TYK2: variants seen among roughly 807,000 people sequenced by gnomAD.
TYK2 encodes non-receptor tyrosine-protein kinase TYK2.
In TYK2, 65 loss-of-function variants were observed where a neutral mutation model predicts 130.9. That is an observed-to-expected ratio of 0.50 (90% confidence interval 0.41 to 0.61). The LOEUF (loss-of-function observed/expected upper bound fraction) is 0.61, where lower values mean the gene tolerates loss of function less well. Among genes scored for constraint, TYK2 ranks in the 20% least tolerant of loss-of-function variants. TYK2 has a pLI of 0.00. For missense variants in TYK2, 1,378 were observed against 1,610.7 expected (o/e 0.86, Z 2.47); for synonymous variants, 647 against 658.9 (o/e 0.98, Z 0.28).
intron 18 of TYK2, among the ~76,000 whole-genome samples, chr19:10,354,996 G>T (rs1357344629): frequency 6.6e-6 from 1 of 150,468 alleles, no homozygotes; most frequent in Non-Finnish European, 1.5e-5. Context: ...TTTTGAGGCT[G>T]CAGTGAGTCT....
Position 10,361,918 on chromosome 19 carries a change from T to C in TYK2, c.1811A>G (p.Tyr604Cys). Residue 604 changes from tyrosine (Y) to cysteine (C), a missense_variant, in exon 13 of 25, where the codon TAT (tyrosine) becomes TGT (cysteine). Transcript: ENST00000525621. The surrounding 1 kb of genome is among the most constrained non-coding windows in gnomAD (Gnocchi z 4.0). ...HLGQGTRTNV[Y>C]EGRLRVEGSG... ...GCCCTCCACTCGCAGGCGGCCCTCATACACGTTGGTCCTTGTGCCCTGGCC... is the reference window on the plus strand; with the variant it reads ...GCCCTCCACTCGCAGGCGGCCCTCACACACGTTGGTCCTTGTGCCCTGGCC... 1 of 1,614,064 alleles carries C rather than the reference T, an allele frequency of 6.2e-7. No individual in the cohort carries two copies. Among genetic ancestry groups the C allele is most frequent in the Non-Finnish European group, 8.5e-7 (1 of 1,179,994 alleles).
intron 9 of TYK2, among the ~76,000 whole-genome samples, chr19:10,363,650 C>A (rs2062688936): frequency 6.6e-6 from 1 of 152,126 alleles, no homozygotes; most frequent in Non-Finnish European, 1.5e-5. Context: ...GACAACGATC[C>A]CAGACACAAC....
chr19:10,359,040 G>A (rs1464680191), intron 15 of TYK2, 135 bp downstream of exon 15: 55 of 1,210,444 alleles, frequency 4.5e-5, no homozygotes, highest in Non-Finnish European at 6.2e-5. Flanking sequence ...TCCAGCCTGG[G>A]TGACAGGGCG....
chr19:10,377,571 G>GGTAGGTGT (rs2042185403), intron 3 of TYK2, among the ~76,000 whole-genome samples: 2 of 114,868 alleles, frequency 1.7e-5, no homozygotes, highest in Non-Finnish European at 3.7e-5. Context: ...TGGATGGGTG[G>GGTAGGTGT]GTGGGTGGAT....
In TYK2 at chr19:10,352,953, C is replaced by T. The variant is rs1242838061; in HGVS notation, c.3173G>A (p.Arg1058His). ...VPEGHEYYRV[R>H]EDGDSPVFWY... ...GAACACGGGGCTGTCCCCATCCTCG[C>T]GCACGCGGTAGTACTCGTGGCCTTC... Residue 1058 changes from arginine to histidine, a missense_variant, in exon 22 of 25, where the codon CGC becomes CAC. Arg to His is a conservative substitution (Grantham distance 29). Coordinates refer to ENST00000525621, the MANE Select transcript of TYK2 (RefSeq NM_003331.5). 1.2e-6 allele frequency: 2 copies of T among 1,608,124 alleles called. No individual in the cohort carries two copies. The highest frequency in any genetic ancestry group is 1.7e-6 in the Non-Finnish European group (2 of 1,177,310).
Position 10,353,998 on chromosome 19 carries a change from AC to A in TYK2, c.2908+43del, listed in dbSNP as rs2040950339. The A allele has an allele frequency of 6.2e-7, 1 of 1,602,028 alleles. No individual in the cohort carries two copies. The highest frequency in any genetic ancestry group is 1.7e-5 in the Admixed American group (1 of 59,936). On this transcript the variant is annotated intron_variant, in intron 20 of 24. Transcript: ENST00000525621. This position sits in a 1 kb window ranked among gnomAD's most constrained non-coding sequence, Gnocchi z 6.9. ...CCCACAAGGCCACACCCACGCTCTA[AC>A]CACGCCCCCTCAAGTCTCTAGGACT... is the stretch of plus-strand genomic sequence containing the variant.
chr19:10,354,961 T>A (rs1599330819), intron 18 of TYK2, among the ~76,000 whole-genome samples: 1 of 142,410 alleles, frequency 7.0e-6, no homozygotes, highest in Admixed American at 7.0e-5. Context: ...GAGGCTGAGG[T>A]AGGAGGATCG....
intron 23 of TYK2, among the ~76,000 whole-genome samples, 194 bp downstream of exon 23, chr19:10,352,240 T>C (rs529124344): frequency 1.4e-5 from 2 of 147,772 alleles, no homozygotes; most frequent in African/African-American, 5.0e-5. Context: ...CCTGGCTAAT[T>C]TTTTTTGTAT....
chr19:10,378,569 T>G (rs1190545213), intron 2 of TYK2, 143 bp from the exon 3 acceptor site: 1 of 657,992 alleles, frequency 1.5e-6, no homozygotes, highest in Non-Finnish European at 2.6e-6. Flanking sequence ...CCCGATTCCC[T>G]CTCTGAGTCT....
chr19:10,368,600 C>T (rs1339235940), intron 3 of TYK2, 182 bp from the exon 4 acceptor site: 2 of 783,608 alleles, frequency 2.6e-6, no homozygotes, highest in Non-Finnish European at 4.0e-6. Context: ...TGTGGCCTCA[C>T]AGGAGGACTA....
At chr19:10,367,199 G>A (rs183808380) in intron 5 of TYK2, among the ~76,000 whole-genome samples, 75 of 152,230 alleles carry the variant, frequency 4.9e-4, no homozygotes, top group African/African-American at 1.7e-3. Flanking sequence ...AATTTCCTGC[G>A]TCTTACCACC....
In TYK2 at chr19:10,366,585, G is replaced by C; in HGVS notation, c.466-5C>G. 1 of 1,613,990 alleles carries C rather than the reference G, an allele frequency of 6.2e-7. No homozygotes were observed. The highest frequency in any genetic ancestry group is 2.2e-5 in the East Asian group (1 of 44,880). On this transcript the variant is annotated splice_polypyrimidine_tract_variant and splice_region_variant and intron_variant, in intron 5 of 24. Transcript: ENST00000525621. ...ATTCACAAACTCATGCTTGCCCTGG[G>C]AACAGGAAATTGAGCAGAAAGGGAG...
Position 10,365,871 on chromosome 19 carries a change from G to T in TYK2, c.657C>A (p.Phe219Leu), listed in dbSNP as rs1287239935. ...CGCTGTGCTGCCGGATATGCCGGCG[G>T]AAGGAGCGCGGGATGCAGTCCTTGA... is the stretch of plus-strand genomic sequence containing the variant. ...TSFKDCIPRS[F>L]RRHIRQHSAL... The change falls in exon 7 of 25, where the codon TTC becomes TTA. Residue 219 changes from phenylalanine to leucine, a missense_variant. By Grantham distance (22) the Phe-to-Leu change is conservative. Transcript: ENST00000525621. 6.2e-7 allele frequency: 1 copy of T among 1,611,678 alleles called. No homozygotes were observed. Among genetic ancestry groups the T allele is most frequent in the Non-Finnish European group, 8.5e-7 (1 of 1,179,380 alleles).
intron 3 of TYK2, among the ~76,000 whole-genome samples, chr19:10,377,391 G>GGTGC (rs2042164023): frequency 8.5e-6 from 1 of 117,618 alleles, no homozygotes; most frequent in Non-Finnish European, 1.8e-5. Flanking sequence ...TGAATAGGTG[G>GGTGC]GTGGGTGGGT....
In TYK2 at chr19:10,352,513, T is replaced by C. The variant is rs776034616; in HGVS notation, c.3239A>G (p.Tyr1080Cys). The change falls in exon 23 of 25, where the codon TAT becomes TGT. Residue 1080 changes from tyrosine (Y) to cysteine (C), a missense_variant. By Grantham distance (194) the Tyr-to-Cys change is radical (BLOSUM62 -2). Transcript: ENST00000525621. ...PECLKEYKFY[Y>C]ASDVWSFGVT... ...CCCGAAGGACCAGACATCTGACGCA[T>C]AGTAGAACTTATACTCCTTCAGGCA... 4.3e-5 allele frequency: 69 copies of C among 1,594,036 alleles called. No individual in the cohort carries two copies. In the East Asian group the frequency reaches 1.1e-3, roughly 26 times the overall value.
chr19:10,354,684 C>A, intron 18 of TYK2, 75 bp from the exon 19 acceptor site: 4 of 1,208,390 alleles, frequency 3.3e-6, no homozygotes, highest in Non-Finnish European at 4.9e-6. Context: ...AGTCACAAAG[C>A]CAGCCACAGC....
intron 1 of TYK2, 120 bp from the exon 2 acceptor site, chr19:10,379,899 C>G (rs976015840): frequency 1.3e-5 from 2 of 152,334 alleles, no homozygotes; most frequent in Non-Finnish European, 2.9e-5. Context: ...CACATTTACC[C>G]CCATGAGTGA....
intron 7 of TYK2, 70 bp from the exon 8 acceptor site, chr19:10,365,118 T>G (rs1156588156): frequency 1.4e-6 from 2 of 1,471,608 alleles, no homozygotes; most frequent in African/African-American, 1.4e-5. Context: ...CACTTTCCCC[T>G]GGGGAGAGAC....
At chr19:10,359,394 T>G in intron 14 of TYK2, 92 bp from the exon 15 acceptor site, 1 of 1,507,238 alleles carries the variant, frequency 6.6e-7, no homozygotes, top group South Asian at 1.2e-5. Context: ...GGACTTGGCA[T>G]GTGGCTGGGG....
Sources: gnomAD v4.1 joint callset for allele counts (sites outside exome capture counted in the v4.1 genomes callset) on GRCh38, gnomAD v4.1.1 for gene constraint, Gnocchi (gnomAD v3.1) non-coding constraint, MANE v1.5 for transcripts, NCBI Gene and HGNC (gene_info 2026-07-23, HGNC 2026-07-21) for gene names.